Variants in TXNDC16 observed in about 807,000 individuals in gnomAD.
The protein encoded by TXNDC16 is thioredoxin domain containing 16.
Under a neutral mutation model 85.6 loss-of-function variants are expected in TXNDC16, and 74 were observed. That is an observed-to-expected ratio of 0.86 (90% CI 0.72 to 1.05). The LOEUF is 1.05. Ranked by LOEUF, TXNDC16 falls within the 50% of genes least tolerant of loss-of-function variation. The pLI, the probability that TXNDC16 is intolerant of heterozygous loss-of-function variation, is 0.00. For missense variants in TXNDC16, 959 were observed against 947.0 expected (o/e 1.01, Z -0.17); for synonymous variants, 335 against 326.5 (o/e 1.03, Z -0.28).
chr14:52,529,576 A>T (rs36113623), intron 6 of TXNDC16, among the ~76,000 whole-genome samples: 12,660 of 44,822 alleles, frequency 0.28, 3,090 homozygotes, highest in East Asian at 0.66. Context: ...ATTATATATA[A>T]TATATATAAT....
At chr14:52,450,853 T>TTATATATATA (rs71125107) in intron 18 of TXNDC16, among the ~76,000 whole-genome samples, 1 of 145,048 alleles carries the variant, frequency 6.9e-6, no homozygotes, top group South Asian at 2.2e-4. Context: ...AAAATGTGTT[T>TTATATATATA]TATATATATA....
chr14:52,506,694 C>T (rs1324205092), intron 9 of TXNDC16, among the ~76,000 whole-genome samples: 1 of 143,538 alleles, frequency 7.0e-6, no homozygotes, highest in African/African-American at 2.6e-5. Flanking sequence ...GTAGCTGGGA[C>T]TACAGGCGCC....
chr14:52,511,694 C>G (rs11849480), intron 8 of TXNDC16, among the ~76,000 whole-genome samples: 39,191 of 151,882 alleles, frequency 0.26, 5,161 homozygotes, highest in East Asian at 0.38. Context: ...AACCTTTCTT[C>G]CATAAAAAGC....
intron 12 of TXNDC16, among the ~76,000 whole-genome samples, chr14:52,483,636 A>AT (rs1214534178): frequency 6.6e-6 from 1 of 152,226 alleles, no homozygotes; most frequent in Non-Finnish European, 1.5e-5. Flanking sequence ...TGGCTAGATC[A>AT]TAAGAGGTCA....
intron 18 of TXNDC16, among the ~76,000 whole-genome samples, chr14:52,454,314 T>C (rs1327720007): frequency 6.6e-6 from 1 of 151,332 alleles, no homozygotes; most frequent in Non-Finnish European, 1.5e-5. Context: ...TAGTCCTGGC[T>C]ACTTGGGAAG....
chr14:52,509,717 G>A (rs532561999), intron 9 of TXNDC16, among the ~76,000 whole-genome samples: 30 of 152,040 alleles, frequency 2.0e-4, no homozygotes, highest in Middle Eastern at 3.4e-3. Context: ...GGTGGCTCAC[G>A]CATGTAATCC....
chr14:52,463,755 G>T (rs2035708276), intron 16 of TXNDC16, among the ~76,000 whole-genome samples: 1 of 152,088 alleles, frequency 6.6e-6, no homozygotes, highest in African/African-American at 2.4e-5. Context: ...ATATACGGAG[G>T]CAGCTTTAGG....
intron 1 of TXNDC16, among the ~76,000 whole-genome samples, chr14:52,552,084 T>TC (rs959507536): frequency 4.6e-5 from 7 of 152,160 alleles, no homozygotes; most frequent in African/African-American, 1.4e-4. Context: ...CCCCTTTCCA[T>TC]CCCCTCGACC....
At chr14:52,437,587 A>C (rs150854477) in intron 20 of TXNDC16, among the ~76,000 whole-genome samples, 476 of 152,282 alleles carry the variant, frequency 3.1e-3, no homozygotes, top group African/African-American at 0.01. Context: ...GCTTCTTCAC[A>C]GCAAAGGAAA....
intron 1 of TXNDC16, among the ~76,000 whole-genome samples, chr14:52,551,855 C>T (rs976292383): frequency 6.6e-6 from 1 of 152,198 alleles, no homozygotes; most frequent in Non-Finnish European, 1.5e-5. Context: ...TACTTCCTCT[C>T]CAGGCAATCA....
At chr14:52,493,817 C>T (rs1180079233) in intron 9 of TXNDC16, among the ~76,000 whole-genome samples, 1 of 151,946 alleles carries the variant, frequency 6.6e-6, no homozygotes, top group Admixed American at 6.6e-5. Flanking sequence ...CTTGCTCTCT[C>T]ACCCAGGCTG....
In TXNDC16 at chr14:52,519,176, T is replaced by C; in HGVS notation, c.510A>G (p.Ile170Met). Reference sequence around the variant, plus strand: ...AAAGCAAAAGTTAAAGAATACCTGGTATTCCAATGGCTCTTACATATGAGA... The same window carrying C: ...AAAGCAAAAGTTAAAGAATACCTGGCATTCCAATGGCTCTTACATATGAGA... ...IIFSYVRAIG[I>M]PEHRAVMEAA... The change falls in exon 7 of 21, where the codon ATA becomes ATG. Residue 170 changes from isoleucine (I) to methionine (M), a missense_variant. Ile to Met is a conservative substitution (Grantham distance 10). Coordinates refer to ENST00000281741, the MANE Select transcript of TXNDC16 (RefSeq NM_020784.3). 2 of 1,608,906 alleles carry C rather than the reference T, an allele frequency of 1.2e-6. No individual in the cohort carries two copies. Among genetic ancestry groups the C allele is most frequent in the African/African-American group, 1.3e-5 (1 of 74,858 alleles).
intron 1 of TXNDC16, among the ~76,000 whole-genome samples, chr14:52,550,487 C>T (rs1197976147): frequency 1.3e-5 from 2 of 152,152 alleles, no homozygotes; most frequent in Non-Finnish European, 2.9e-5. Flanking sequence ...TCTACCTGCA[C>T]CCTCACCGCC....
chr14:52,450,298 GA>G (rs2035377089), intron 18 of TXNDC16, among the ~76,000 whole-genome samples: 1 of 151,978 alleles, frequency 6.6e-6, no homozygotes, highest in African/African-American at 2.4e-5. Flanking sequence ...TAGCTACTAT[GA>G]GCAACTATAT....
chr14:52,530,267 T>TATAA (rs2037483014), intron 6 of TXNDC16, among the ~76,000 whole-genome samples: 2 of 58,284 alleles, frequency 3.4e-5, no homozygotes, highest in Admixed American at 7.2e-4. Context: ...ATATAATATA[T>TATAA]ATTATTATTT....
intron 12 of TXNDC16, 137 bp downstream of exon 12, chr14:52,488,226 C>A: frequency 9.4e-7 from 1 of 1,067,696 alleles, no homozygotes; most frequent in Non-Finnish European, 1.4e-6. Context: ...AATGTGGTTC[C>A]AAATAAATTC....
intron 20 of TXNDC16, among the ~76,000 whole-genome samples, chr14:52,433,241 C>A (rs1260364252): frequency 1.3e-5 from 2 of 152,034 alleles, no homozygotes; most frequent in African/African-American, 4.8e-5. Flanking sequence ...CTTAGATGAG[C>A]TTCATGGCAA....
intron 18 of TXNDC16, among the ~76,000 whole-genome samples, chr14:52,443,943 A>G (rs2140104724): frequency 6.6e-6 from 1 of 152,304 alleles, no homozygotes; most frequent in East Asian, 1.9e-4. Flanking sequence ...TGATGGTAGA[A>G]GTTATGGGTA....
Position 52,470,518 on chromosome 14 carries a change from A to G in TXNDC16, c.1475T>C (p.Ile492Thr), listed in dbSNP as rs1305664187. 2 of 1,612,228 alleles carry G rather than the reference A, an allele frequency of 1.2e-6. No individual in the cohort carries two copies. The highest frequency in any genetic ancestry group is 1.7e-6 in the Non-Finnish European group (2 of 1,179,340). The change falls in exon 15 of 21, where the codon ATC (isoleucine) becomes ACC (threonine). Residue 492 changes from isoleucine (I) to threonine (T), a missense_variant. Transcript: ENST00000281741. Reference protein sequence around the residue: ...MLGTEDLLKFIQLNRISYPVN... With the variant: ...MLGTEDLLKFTQLNRISYPVN... ...AATGAAGCTGAATACTTACAGCTGG[A>G]TAAATTTTAGGAGATCTTCGGTTCC... is the stretch of plus-strand genomic sequence containing the variant.
Sources: allele counts gnomAD v4.1 joint callset (sites outside exome capture counted in the v4.1 genomes callset), GRCh38; gene constraint gnomAD v4.1.1; transcripts MANE v1.5; gene names NCBI Gene and HGNC (gene_info 2026-07-23, HGNC 2026-07-21).